Variants in GRIK4 observed in about 807,000 individuals in gnomAD.
GRIK4 encodes the protein glutamate receptor ionotropic, kainate 4.
GRIK4 carries 40 observed loss-of-function variants against 104.9 expected under a neutral mutation model. The observed-to-expected ratio is 0.38, with a 90% confidence interval of 0.30 to 0.50. The LOEUF (loss-of-function observed/expected upper bound fraction) is 0.50. Among genes scored for constraint, GRIK4 ranks in the 20% least tolerant of loss-of-function variants. GRIK4 has a pLI of 0.93. For missense variants in GRIK4, 1,047 were observed against 1,308.1 expected, an observed-to-expected ratio of 0.80 and a Z score of 3.08; for synonymous variants, 485 against 524.9, an observed-to-expected ratio of 0.92 and a Z score of 1.04.
chr11:120,660,489 A>T, intron 3 of GRIK4, 89 bp downstream of exon 3: 1 of 998,168 alleles, frequency 1.0e-6, no homozygotes, highest in South Asian at 1.4e-5. Flanking sequence ...GACTTGGGGA[A>T]GCTGCCCAGC....
intron 3 of GRIK4, among the ~76,000 whole-genome samples, chr11:120,683,317 T>C (rs1026746296): frequency 2.6e-5 from 4 of 152,242 alleles, no homozygotes; most frequent in East Asian, 1.9e-4. Flanking sequence ...ATGTGAATGA[T>C]GAAGGAAAGC....
At chr11:120,737,798 TTTC>T (rs1951252642) in intron 3 of GRIK4, among the ~76,000 whole-genome samples, 3 of 152,048 alleles carry the variant, frequency 2.0e-5, no homozygotes, top group African/African-American at 7.2e-5. Flanking sequence ...CATGGGGGGC[TTTC>T]TGGGTGGTTG....
chr11:120,857,814 C>CA (rs1229782698), intron 8 of GRIK4, among the ~76,000 whole-genome samples: 2 of 152,156 alleles, frequency 1.3e-5, no homozygotes, highest in African/African-American at 4.8e-5. Context: ...GTGTGAACTT[C>CA]AAAAATGAGG....
At chr11:120,561,856 C>T (rs551086073) in intron 1 of GRIK4, among the ~76,000 whole-genome samples, 22 of 152,310 alleles carry the variant, frequency 1.4e-4, no homozygotes, top group Admixed American at 6.5e-4. Context: ...GACTGCTGCA[C>T]GCTACACAGC....
chr11:120,750,121 T>C (rs1951520687), intron 3 of GRIK4, among the ~76,000 whole-genome samples: 1 of 151,966 alleles, frequency 6.6e-6, no homozygotes, highest in Admixed American at 6.6e-5. Context: ...ACAGGCTACT[T>C]TGTGGCAGAG....
chr11:120,557,683 G>C (rs1329386373), intron 1 of GRIK4, among the ~76,000 whole-genome samples: 4 of 152,130 alleles, frequency 2.6e-5, no homozygotes, highest in Non-Finnish European at 5.9e-5. Flanking sequence ...GATTTGCCAC[G>C]AGAGAGGCTT....
chr11:120,629,402 C>T (rs192523526), intron 1 of GRIK4, among the ~76,000 whole-genome samples: 161 of 152,208 alleles, frequency 1.1e-3, no homozygotes, highest in African/African-American at 3.7e-3. Flanking sequence ...CAAGGTTGTT[C>T]CGAGTACACG....
At chr11:120,742,303 G>A (rs985315537) in intron 3 of GRIK4, among the ~76,000 whole-genome samples, 20 of 146,102 alleles carry the variant, frequency 1.4e-4, no homozygotes, top group Admixed American at 9.7e-4. Context: ...CCGAGTTTGC[G>A]CCAGTGTACT....
At chr11:120,893,602 A>C (rs1352563245) in intron 11 of GRIK4, among the ~76,000 whole-genome samples, 1 of 152,246 alleles carries the variant, frequency 6.6e-6, no homozygotes, top group Admixed American at 6.5e-5. Context: ...AATGCCCAGC[A>C]CAGAGCCCCT....
chr11:120,688,392 G>A (rs1950306589), intron 3 of GRIK4, among the ~76,000 whole-genome samples: 1 of 152,150 alleles, frequency 6.6e-6, no homozygotes, highest in African/African-American at 2.4e-5. Flanking sequence ...CTCTTAGCTG[G>A]GTGTCTTGGT....
intron 1 of GRIK4, chr11:120,576,403 A>G (rs1948484473): frequency 6.6e-6 from 1 of 152,346 alleles, no homozygotes; most frequent in South Asian, 2.1e-4. Context: ...GCTAGACTTC[A>G]GGAAGACCCC....
intron 3 of GRIK4, among the ~76,000 whole-genome samples, chr11:120,748,811 C>T (rs958372399): frequency 2.0e-5 from 3 of 152,266 alleles, no homozygotes; most frequent in East Asian, 1.9e-4. Flanking sequence ...CAGGGCCCTT[C>T]GGGAGTTGAA....
chr11:120,646,688 A>G (rs759579884), intron 1 of GRIK4, among the ~76,000 whole-genome samples: 1 of 152,202 alleles, frequency 6.6e-6, no homozygotes, highest in Non-Finnish European at 1.5e-5. Context: ...AAGATAAATC[A>G]TTCATCTGTT....
chr11:120,765,270 C>T (rs1951816519), intron 3 of GRIK4, among the ~76,000 whole-genome samples: 1 of 151,696 alleles, frequency 6.6e-6, no homozygotes, highest in South Asian at 2.1e-4. Context: ...CTTGTGTATG[C>T]TTCACTAAGT....
rs1010056285 is a variant in GRIK4 at position 120,620,191 on chromosome 11, C to A, written c.-158-33494C>A. On this transcript the variant is annotated intron_variant, in intron 1 of 20. Transcript: ENST00000527524. ...TTCTCTTTTTACAATAAATTCATGA[C>A]CATCAGATGATATCAATTTGACATA... 6.2e-6 allele frequency: 5 copies of A among 805,866 alleles called. No homozygotes were observed. In the Admixed American group the frequency reaches 8.5e-5, roughly 14 times the overall value. 49.9% of individuals were successfully genotyped at this position (805,866 alleles called of 1,614,324 possible).
intron 6 of GRIK4, among the ~76,000 whole-genome samples, chr11:120,825,448 C>T (rs1445977956): frequency 2.6e-5 from 4 of 152,356 alleles, no homozygotes; most frequent in Middle Eastern, 3.4e-3. Flanking sequence ...AGGAAATGCT[C>T]GGCACACATG....
At chr11:120,834,420 T>C (rs908917406) in intron 7 of GRIK4, among the ~76,000 whole-genome samples, 7 of 152,186 alleles carry the variant, frequency 4.6e-5, no homozygotes, top group Admixed American at 2.6e-4. Flanking sequence ...TCCTGTGACA[T>C]TGGAGCCACA....
intron 1 of GRIK4, among the ~76,000 whole-genome samples, chr11:120,543,124 GT>G (rs1948053238): frequency 2.0e-5 from 3 of 152,218 alleles, no homozygotes; most frequent in Non-Finnish European, 2.9e-5. Context: ...ACAGTATGGG[GT>G]GGGAGGAGGG....
rs1393619198 is a variant in GRIK4 at position 120,819,729 on chromosome 11, C to T, written c.346-26C>T. On this transcript the variant is annotated intron_variant, in intron 5 of 20. Coordinates refer to ENST00000527524, the MANE Select transcript of GRIK4 (RefSeq NM_014619.5). The surrounding 1 kb of genome is among the most constrained non-coding windows in gnomAD (Gnocchi z 4.3). ...TTTTCACCCACCTGGATCCTCCCTGCTGTCCGTTTTTGCTCCTCTTGCCAG... is the reference window on the plus strand; with the variant it reads ...TTTTCACCCACCTGGATCCTCCCTGTTGTCCGTTTTTGCTCCTCTTGCCAG... The T allele has an allele frequency of 6.2e-7, 1 of 1,612,190 alleles. No individual in the cohort carries two copies.
Sources: gnomAD v4.1 joint callset for allele counts (sites outside exome capture counted in the v4.1 genomes callset) on GRCh38, gnomAD v4.1.1 for gene constraint, Gnocchi (gnomAD v3.1) non-coding constraint, MANE v1.5 for transcripts, NCBI Gene and HGNC (gene_info 2026-07-23, HGNC 2026-07-21) for gene names.